Variants in DNAH6 observed in about 807,000 individuals in gnomAD.
DNAH6 encodes the protein axonemal beta dynein heavy chain 6.
Under a neutral mutation model 491.4 loss-of-function variants are expected in DNAH6, and 340 were observed. The ratio of observed to expected loss-of-function variants is 0.69; its 90% CI spans 0.63 to 0.76. DNAH6 has a LOEUF of 0.76. Ranked by LOEUF, DNAH6 falls within the 30% of genes least tolerant of loss-of-function variation. The pLI is 0.00. For synonymous variants in DNAH6, 1,603 were observed against 1,686.1 expected, an observed-to-expected ratio of 0.95 and a Z score of 1.21; for missense variants, 4,443 against 4,972.2, an observed-to-expected ratio of 0.89 and a Z score of 3.20.
chr2:84,568,215 A>G (rs898918208), intron 11 of DNAH6, among the ~76,000 whole-genome samples: 2 of 152,112 alleles, frequency 1.3e-5, no homozygotes, highest in East Asian at 1.9e-4. Flanking sequence ...CAGAAATCTC[A>G]TTACCGGGTA....
At chr2:84,493,460 TA>T in the DNAH6 span, among the ~76,000 whole-genome samples, 2 of 152,292 alleles carry the variant, frequency 1.3e-5, no homozygotes, top group East Asian at 3.9e-4. Flanking sequence ...TAGCTTCCAT[TA>T]AAATCCTTAA....
Position 84,634,513 on chromosome 2 carries a change from C to T in DNAH6, c.4525C>T (p.Arg1509Cys), listed in dbSNP as rs908164433. The T allele has an allele frequency of 3.4e-5, 53 of 1,538,924 alleles. No individual in the cohort carries two copies. The highest frequency in any genetic ancestry group is 2.2e-4 in the East Asian group (9 of 40,404). ...TTTATTTTGATTTCAGATGATGGGG[C>T]GCTTCTTCAGTGGCTTGGCACAGTC... ...SDGLDYKMMG[R>C]FFSGLAQSGA... Residue 1509 changes from arginine to cysteine, a missense_variant, in exon 30 of 77, where the codon CGC becomes TGC. Transcript: ENST00000389394.
At chr2:84,723,215 G>A (rs940974237) in intron 60 of DNAH6, among the ~76,000 whole-genome samples, 2 of 152,078 alleles carry the variant, frequency 1.3e-5, no homozygotes, top group Admixed American at 6.5e-5. Context: ...GCGACAGAGC[G>A]AGACTCTGTC....
At chr2:84,772,416 A>AACAC (rs537178997) in intron 64 of DNAH6, among the ~76,000 whole-genome samples, 2 of 151,318 alleles carry the variant, frequency 1.3e-5, no homozygotes, top group African/African-American at 4.8e-5. Context: ...ATGGATTTCA[A>AACAC]ACACACACAC....
intron 72 of DNAH6, among the ~76,000 whole-genome samples, chr2:84,810,683 G>A (rs931267765): frequency 3.3e-5 from 5 of 152,184 alleles, no homozygotes; most frequent in Non-Finnish European, 7.4e-5. Flanking sequence ...CAGGGGAAGG[G>A]AGCAGCACCC....
chr2:84,772,768 T>TA (rs1455041105), intron 64 of DNAH6, among the ~76,000 whole-genome samples: 1 of 152,012 alleles, frequency 6.6e-6, no homozygotes, highest in Non-Finnish European at 1.5e-5. Flanking sequence ...ATAGAAGACT[T>TA]CAACAACATT....
chr2:84,583,275 C>G (rs993036943), intron 14 of DNAH6, among the ~76,000 whole-genome samples: 17 of 152,212 alleles, frequency 1.1e-4, no homozygotes, highest in African/African-American at 4.1e-4. Context: ...GGGATGATCA[C>G]TGCCCATCAC....
At chr2:84,599,687 T>G (rs114238799) in intron 18 of DNAH6, among the ~76,000 whole-genome samples, 379 of 152,298 alleles carry the variant, frequency 2.5e-3, no homozygotes, top group African/African-American at 8.6e-3. Context: ...TATTTTTTAG[T>G]CTATTTCTGG....
At chr2:84,534,128 G>T (rs1258637967) in intron 4 of DNAH6, among the ~76,000 whole-genome samples, 1 of 152,008 alleles carries the variant, frequency 6.6e-6, no homozygotes, top group Non-Finnish European at 1.5e-5. Context: ...GTCTGAGTGA[G>T]TATCAAATGC....
chr2:84,659,772 A>G (rs1057232689), intron 37 of DNAH6, among the ~76,000 whole-genome samples: 3 of 152,282 alleles, frequency 2.0e-5, no homozygotes, highest in African/African-American at 7.2e-5. Flanking sequence ...ACTTGAGGCC[A>G]GGAGTTTGAG....
intron 62 of DNAH6, among the ~76,000 whole-genome samples, chr2:84,738,562 G>A (rs901329740): frequency 6.6e-6 from 1 of 152,094 alleles, no homozygotes; most frequent in African/African-American, 2.4e-5. Context: ...CACTTAAGAT[G>A]TTTTGTTGAA....
chr2:84,546,529 G>T (rs1159719173), intron 5 of DNAH6, among the ~76,000 whole-genome samples: 1 of 152,116 alleles, frequency 6.6e-6, no homozygotes, highest in Non-Finnish European at 1.5e-5. Flanking sequence ...GGTCCTTTAT[G>T]ACTGACTTTT....
At chr2:84,743,407 A>T (rs1460767928) in intron 62 of DNAH6, among the ~76,000 whole-genome samples, 1 of 152,240 alleles carries the variant, frequency 6.6e-6, no homozygotes, top group Admixed American at 6.5e-5. Flanking sequence ...TGAGCTTTAG[A>T]TATTTACAAG....
chr2:84,504,765 T>A, the DNAH6 span, among the ~76,000 whole-genome samples: 1 of 152,198 alleles, frequency 6.6e-6, no homozygotes, highest in Admixed American at 6.5e-5. Context: ...AATTGTAGCT[T>A]TGTAGTAAGT....
intron 22 of DNAH6, among the ~76,000 whole-genome samples, chr2:84,615,542 T>C (rs974684288): frequency 6.6e-6 from 1 of 151,656 alleles, no homozygotes; most frequent in Non-Finnish European, 1.5e-5. Context: ...CCATATGAAA[T>C]TTAGAATTAT....
Position 84,805,598 on chromosome 2 carries a change from T to G in DNAH6, c.11482-67T>G, listed in dbSNP as rs554179185. On this transcript the variant is annotated intron_variant, in intron 70 of 76. Coordinates refer to ENST00000389394, the MANE Select transcript of DNAH6 (RefSeq NM_001370.2). The stretch of plus-strand genomic sequence containing the variant: ...CTGCCTTTACTTTTGTAAATAATTA[T>G]GTGTGCTGCAAATTTGTTTTCTGAG... The G allele has an allele frequency of 5.8e-6, 8 of 1,383,656 alleles. No homozygotes were observed. In the East Asian group the frequency reaches 2.1e-4, roughly 36 times the overall value. The allele number at this position is 1,383,656 out of a possible 1,614,324, so 85.7% of individuals were successfully genotyped here.
intron 64 of DNAH6, chr2:84,777,297 A>C (rs1573778444): frequency 3.7e-6 from 1 of 273,546 alleles, no homozygotes; most frequent in African/African-American, 2.3e-5. Flanking sequence ...CAAAGTGTAA[A>C]TGCACTCTTC....
chr2:84,485,937 C>G, the DNAH6 span, among the ~76,000 whole-genome samples: 1 of 151,782 alleles, frequency 6.6e-6, no homozygotes, highest in Non-Finnish European at 1.5e-5. Context: ...GATTCCCATG[C>G]TTTCAGAAGC....
the DNAH6 span, among the ~76,000 whole-genome samples, chr2:84,505,275 A>T: frequency 6.6e-6 from 1 of 152,168 alleles, no homozygotes; most frequent in Non-Finnish European, 1.5e-5. Flanking sequence ...TTTTTATATA[A>T]GATAATTTGA....
Sources: allele counts gnomAD v4.1 joint callset (sites outside exome capture counted in the v4.1 genomes callset), GRCh38; gene constraint gnomAD v4.1.1; transcripts MANE v1.5; gene names NCBI Gene and HGNC (gene_info 2026-07-23, HGNC 2026-07-21).